PLEKHG5: variants seen among roughly 807,000 people sequenced by gnomAD.
PLEKHG5 encodes pleckstrin homology and RhoGEF domain containing G5, also known as pleckstrin homology domain-containing family G member 5.
PLEKHG5 carries 52 observed loss-of-function variants against 103.8 expected under a neutral mutation model. That is an observed-to-expected ratio of 0.50 (90% CI 0.40 to 0.63). The LOEUF is 0.63. PLEKHG5 is among the 30% of genes least tolerant of loss of function. The probability of loss-of-function intolerance (pLI) is 0.00; values close to 1 mark genes in which losing one functional copy is unlikely to be tolerated. For synonymous variants in PLEKHG5, 592 were observed against 575.5 expected (o/e 1.03, Z -0.41); for missense variants, 1,205 against 1,347.6 (o/e 0.89, Z 1.66).
chr1:6,513,991 G>A (rs1255739277), intron 1 of PLEKHG5, among the ~76,000 whole-genome samples: 2 of 152,192 alleles, frequency 1.3e-5, no homozygotes, highest in Non-Finnish European at 2.9e-5. Flanking sequence ...TGGGCCTGGA[G>A]GGGTTCTGCC....
chr1:6,508,794 A>G (rs2148635616), intron 1 of PLEKHG5, among the ~76,000 whole-genome samples: 1 of 152,246 alleles, frequency 6.6e-6, no homozygotes, highest in South Asian at 2.1e-4. Flanking sequence ...TCTCCAATCC[A>G]CACTTCATCC....
chr1:6,511,689 G>A (rs1024504531), intron 1 of PLEKHG5, among the ~76,000 whole-genome samples: 6 of 152,258 alleles, frequency 3.9e-5, no homozygotes, highest in African/African-American at 7.2e-5. Context: ...CTCACAGAGC[G>A]AGGACTGGGC....
At chr1:6,469,795 T>C (rs1026510544) in intron 16 of PLEKHG5, 119 bp from the exon 17 acceptor site, 1 of 868,732 alleles carries the variant, frequency 1.2e-6, no homozygotes, top group South Asian at 1.6e-5. Flanking sequence ...ACCATGAACC[T>C]TCAAGTAAAA....
intron 4 of PLEKHG5, 85 bp downstream of exon 4, chr1:6,475,377 C>T: frequency 8.3e-7 from 1 of 1,200,920 alleles, no homozygotes; most frequent in Non-Finnish European, 1.2e-6. Context: ...GACCTCCCCA[C>T]CCCCATCCCG....
intron 1 of PLEKHG5, among the ~76,000 whole-genome samples, chr1:6,510,468 G>T (rs1259615147): frequency 6.6e-6 from 1 of 152,214 alleles, no homozygotes; most frequent in East Asian, 1.9e-4. Flanking sequence ...GCAGGCACCT[G>T]TAATCCCAAC....
chr1:6,469,774 A>G, intron 16 of PLEKHG5, 98 bp from the exon 17 acceptor site: 1 of 1,123,996 alleles, frequency 8.9e-7, no homozygotes, highest in Non-Finnish European at 1.3e-6. Context: ...TTTTTGTCAA[A>G]CACTCCTCCC....
chr1:6,514,271 A>C (rs1638553931), intron 1 of PLEKHG5, among the ~76,000 whole-genome samples: 1 of 152,052 alleles, frequency 6.6e-6, no homozygotes, highest in African/African-American at 2.4e-5. Flanking sequence ...GCTGGGCAAC[A>C]TAGTGAGACC....
intron 1 of PLEKHG5, among the ~76,000 whole-genome samples, chr1:6,503,661 C>T (rs10864581): frequency 0.56 from 85,676 of 151,962 alleles, 25,782 homozygotes; most frequent in Non-Finnish European, 0.67. Context: ...CCACCCGCCT[C>T]GGCCTAGCAA....
At chr1:6,478,315 G>T (rs1003914803) in intron 1 of PLEKHG5, among the ~76,000 whole-genome samples, 4 of 152,168 alleles carry the variant, frequency 2.6e-5, no homozygotes, top group African/African-American at 7.2e-5. Context: ...TGGACTAGAA[G>T]CACACACCAC....
chr1:6,477,450 C>T, intron 2 of PLEKHG5, 79 bp downstream of exon 2: 2 of 1,429,958 alleles, frequency 1.4e-6, no homozygotes, highest in African/African-American at 1.4e-5. Context: ...CTTATGACGC[C>T]CTAGCACGTT....
At chr1:6,508,645 C>T (rs796357613) in intron 1 of PLEKHG5, among the ~76,000 whole-genome samples, 4 of 152,352 alleles carry the variant, frequency 2.6e-5, no homozygotes, top group African/African-American at 7.2e-5. Flanking sequence ...CGAGCGATGC[C>T]GCTGACAAAC....
chr1:6,477,549 C>A lies in PLEKHG5; in HGVS notation c.23G>T (p.Arg8Leu). The A allele has an allele frequency of 6.2e-7, 1 of 1,612,226 alleles. No homozygotes were observed. The change falls in exon 2 of 21, where the codon CGC (arginine) becomes CTC (leucine). Residue 8 changes from arginine to leucine, a missense_variant. Coordinates refer to ENST00000377728, the MANE Select transcript of PLEKHG5 (RefSeq NM_020631.6). ...CTCACCTTGTGGGGGAAGGTCGAAG[C>A]GGACATGCCCATCATAATGCATGGT... MHYDGHV[R>L]FDLPPQGSVL... is the part of the protein sequence containing the mutation.
chr1:6,486,704 C>T lies in PLEKHG5; in HGVS notation c.-88+4933G>A, dbSNP rs1002304162. Among the ~76,000 whole-genome samples the T allele has an allele frequency of 1.3e-5, 2 of 152,244 alleles. No individual in the cohort carries two copies. The highest frequency in any genetic ancestry group is 4.8e-5 in the African/African-American group (2 of 41,460). On this transcript the variant is annotated intron_variant, in intron 1 of 20. Transcript: ENST00000377728. The surrounding 1 kb of genome is among the most constrained non-coding windows in gnomAD (Gnocchi z 5.3). ...GCCCAGACTCTGGTGCTGGAGTCAC[C>T]ACTACACGGCTGTCAAAGCGCTTTT...
Position 6,467,988 on chromosome 1 carries a change from C to A in PLEKHG5, c.2848G>T (p.Ala950Ser), listed in dbSNP as rs879254222. 6.4e-7 allele frequency: 1 copy of A among 1,555,390 alleles called. No individual in the cohort carries two copies. Among genetic ancestry groups the A allele is most frequent in the Non-Finnish European group, 8.7e-7 (1 of 1,151,746 alleles). ...CCACACCTCTTCCTGTGGGAGCCTG[C>A]AGGTTCCCCGGCCAGGCAGCCGACT... ...GLVGCLAGEP[A>S]GSHRKRCGDL... Residue 950 changes from alanine to serine, a missense_variant, in exon 20 of 21, where the codon GCA (alanine) becomes TCA (serine). Ala to Ser is a moderately conservative substitution (Grantham distance 99). Transcript: ENST00000377728.
upstream of PLEKHG5, among the ~76,000 whole-genome samples, chr1:6,496,005 C>A (rs769505555): frequency 1.2e-4 from 19 of 152,242 alleles, no homozygotes; most frequent in Non-Finnish European, 2.5e-4. Flanking sequence ...ACTCCAGGAT[C>A]AACTGGCCCC....
chr1:6,497,884 A>G (rs1239689547), upstream of PLEKHG5, among the ~76,000 whole-genome samples: 1 of 152,162 alleles, frequency 6.6e-6, no homozygotes, highest in East Asian at 1.9e-4. This position sits in a 1 kb window ranked among gnomAD's most constrained non-coding sequence, Gnocchi z 6.1. Context: ...AGAGAAGTGC[A>G]CCTGTCCTGT....
chr1:6,484,617 C>A (rs557736722), intron 1 of PLEKHG5, among the ~76,000 whole-genome samples: 30 of 152,146 alleles, frequency 2.0e-4, no homozygotes, highest in Non-Finnish European at 4.0e-4. Context: ...CCTCCAGAGG[C>A]AGGACTCCCC....
rs750943470 is a variant in PLEKHG5 at position 6,473,057 on chromosome 1, C to T, written c.913G>A (p.Glu305Lys). Residue 305 changes from glutamate to lysine, a missense_variant, in exon 9 of 21, where the codon GAA becomes AAA. Transcript: ENST00000377728. ...DHDSWEEEYDEDEDEDNACLR... is the reference protein window; with the variant it reads ...DHDSWEEEYDKDEDEDNACLR... ...CAGGCATTGTCCTCATCCTCGTCTTCATCGTACTCCTCCTCCCAGGAGTCA... is the reference window on the plus strand; with the variant it reads ...CAGGCATTGTCCTCATCCTCGTCTTTATCGTACTCCTCCTCCCAGGAGTCA... The T allele has an allele frequency of 8.7e-6, 14 of 1,613,866 alleles. No individual in the cohort carries two copies. The Admixed American group carries it at 1.2e-4, about 13-fold the overall frequency.
At chr1:6,497,075 G>T, upstream of PLEKHG5, 1 of 1,482,308 alleles carries the variant, frequency 6.7e-7, no homozygotes, top group African/African-American at 1.4e-5. This position sits in a 1 kb window ranked among gnomAD's most constrained non-coding sequence, Gnocchi z 6.1. Context: ...CTCTCTTCCT[G>T]GGGGCTGGAG....
Sources: allele counts gnomAD v4.1 joint callset (sites outside exome capture counted in the v4.1 genomes callset), GRCh38; gene constraint gnomAD v4.1.1; non-coding constraint Gnocchi (gnomAD v3.1); transcripts MANE v1.5; gene names NCBI Gene and HGNC (gene_info 2026-07-23, HGNC 2026-07-21).